The following MRPL13 variants were observed in gnomAD, a reference collection of about 807,000 sequenced individuals.
MRPL13 encodes large ribosomal subunit protein uL13m.
A neutral mutation model predicts 29.0 loss-of-function variants in MRPL13; 33 were observed. That is an observed-to-expected ratio of 1.14 (90% CI 0.86 to 1.52). The LOEUF is 1.52. Ranked by LOEUF, MRPL13 falls within the 40% of genes most tolerant of loss-of-function variation. The pLI, the probability that MRPL13 is intolerant of heterozygous loss-of-function variation, is 0.00. For synonymous variants in MRPL13, 77 were observed against 68.4 expected (o/e 1.13, Z -0.62); for missense variants, 227 against 216.7 (o/e 1.05, Z -0.30).
At chr8:120,412,072 T>G (rs567497362) in intron 6 of MRPL13, among the ~76,000 whole-genome samples, 1 of 152,206 alleles carries the variant, frequency 6.6e-6, no homozygotes, top group Non-Finnish European at 1.5e-5. Flanking sequence ...GTGTATAATA[T>G]GTATTTGCAC....
intron 6 of MRPL13, among the ~76,000 whole-genome samples, chr8:120,400,445 C>T (rs1005739518): frequency 6.6e-6 from 1 of 152,024 alleles, no homozygotes; most frequent in Admixed American, 6.6e-5. Flanking sequence ...GAAGAGACAA[C>T]ATATCAGAAT....
intron 3 of MRPL13, among the ~76,000 whole-genome samples, chr8:120,425,966 A>G (rs1398211958): frequency 1.3e-5 from 2 of 152,154 alleles, no homozygotes; most frequent in Non-Finnish European, 2.9e-5. Flanking sequence ...GAGGCAGCTT[A>G]GCTTCCAGAT....
chr8:120,428,750 C>T (rs1371416501), intron 3 of MRPL13, among the ~76,000 whole-genome samples: 1 of 152,152 alleles, frequency 6.6e-6, no homozygotes, highest in Admixed American at 6.5e-5. Flanking sequence ...AATCACTGAT[C>T]ATTAGAGAAA....
chr8:120,425,205 T>C (rs1812917899), intron 4 of MRPL13, 101 bp downstream of exon 4: 4 of 858,408 alleles, frequency 4.7e-6, no homozygotes, highest in Non-Finnish European at 7.3e-6. Flanking sequence ...ATTTATATCC[T>C]TGAATGCTAA....
chr8:120,434,666 C>T (rs1230198098), intron 2 of MRPL13, among the ~76,000 whole-genome samples: 1 of 152,086 alleles, frequency 6.6e-6, no homozygotes, highest in Non-Finnish European at 1.5e-5. Context: ...CAGCAAACTG[C>T]TCACAGGTTA....
chr8:120,427,339 C>A (rs1014523891), intron 3 of MRPL13, among the ~76,000 whole-genome samples: 3 of 152,068 alleles, frequency 2.0e-5, no homozygotes, highest in Non-Finnish European at 4.4e-5. Flanking sequence ...TTAGAAAACT[C>A]ATGATTGAAA....
rs80257021 is a variant in MRPL13, at chr8:120,432,009, C to G, written c.245+21G>C. The G allele has an allele frequency of 3.5e-3, 5,288 of 1,508,298 alleles. 184 individuals carry two copies. The African/African-American group carries it at 0.068, about 19-fold the overall frequency. The allele number at this position is 1,508,298 out of a possible 1,614,324, so 93.4% of individuals were successfully genotyped here. On this transcript the variant is annotated intron_variant, in intron 3 of 6. Coordinates refer to ENST00000306185, the MANE Select transcript of MRPL13 (RefSeq NM_014078.6). ...AATATATTTTAACTACCTAATTTCC[C>G]TGACAACAGCATTATCTTACCCAGT...
intron 6 of MRPL13, 46 bp from the exon 7 acceptor site, chr8:120,396,171 T>G: frequency 7.0e-7 from 1 of 1,427,568 alleles, no homozygotes. Flanking sequence ...ATTATTTTGT[T>G]TTCTCCTGAC....
chr8:120,400,054 C>A (rs1281731237), intron 6 of MRPL13, among the ~76,000 whole-genome samples: 1 of 152,176 alleles, frequency 6.6e-6, no homozygotes, highest in Non-Finnish European at 1.5e-5. Flanking sequence ...TAATGCCCCA[C>A]TGACAATATT....
At position 120,408,834 on chromosome 8, in the gene MRPL13, G is replaced by A. The variant is rs370318066; in HGVS notation, c.515+5157C>T. ...TTTAGGATTAACAGCTTTCATATCAGAGAATATGCACTAAGCTTAAATCCG... is the reference window on the plus strand; with the variant it reads ...TTTAGGATTAACAGCTTTCATATCAAAGAATATGCACTAAGCTTAAATCCG... On this transcript the variant is annotated intron_variant, in intron 6 of 6. Transcript: ENST00000306185. Among the ~76,000 whole-genome samples, 94 of 152,282 alleles carry A rather than the reference G, an allele frequency of 6.2e-4. 1 individual carries two copies. In the South Asian group the frequency reaches 0.018, roughly 30 times the overall value.
intron 6 of MRPL13, among the ~76,000 whole-genome samples, chr8:120,397,864 G>A (rs541766498): frequency 2.6e-5 from 4 of 151,882 alleles, no homozygotes; most frequent in Non-Finnish European, 2.9e-5. Flanking sequence ...GTGCCAGATT[G>A]TGGCCAGACT....
At chr8:120,397,902 C>T (rs962442786) in intron 6 of MRPL13, among the ~76,000 whole-genome samples, 3 of 152,196 alleles carry the variant, frequency 2.0e-5, no homozygotes, top group Non-Finnish European at 4.4e-5. Context: ...CCCGATCCAT[C>T]CCTCCTCACC....
chr8:120,437,147 C>T (rs1813063875), intron 2 of MRPL13, among the ~76,000 whole-genome samples: 1 of 152,052 alleles, frequency 6.6e-6, no homozygotes, highest in African/African-American at 2.4e-5. Context: ...TATAAATGTA[C>T]AATTTAGATT....
At chr8:120,421,535 T>C (rs1812874476) in intron 4 of MRPL13, among the ~76,000 whole-genome samples, 1 of 151,876 alleles carries the variant, frequency 6.6e-6, no homozygotes, top group Non-Finnish European at 1.5e-5. Flanking sequence ...AGGCCTACTA[T>C]TCCAGACAAA....
intron 6 of MRPL13, among the ~76,000 whole-genome samples, chr8:120,402,278 G>A (rs755540641): frequency 7.9e-5 from 12 of 152,110 alleles, no homozygotes; most frequent in Non-Finnish European, 1.2e-4. Context: ...AACCAAAATC[G>A]TGTGGTACTG....
Position 120,445,103 on chromosome 8 carries a change from AC to A in MRPL13, c.-10del, listed in dbSNP as rs1813190949. On this transcript the variant is annotated 5_prime_UTR_variant, in exon 1 of 7. Coordinates refer to ENST00000306185, the MANE Select transcript of MRPL13 (RefSeq NM_014078.6). Reference sequence around the variant, plus strand: ...CTAGAGAAACTCGACATATTCCTCTACTAGCAGGACCGTACGTCCTTCTCCT... The same window carrying A: ...CTAGAGAAACTCGACATATTCCTCTATAGCAGGACCGTACGTCCTTCTCCT... 80 of 1,613,766 alleles carry A rather than the reference AC, an allele frequency of 5.0e-5. No homozygotes were observed. The East Asian group carries it at 1.8e-3, about 36-fold the overall frequency.
rs142573084 is a variant in MRPL13, at chr8:120,442,428, G to A, written c.151+757C>T. On this transcript the variant is annotated intron_variant, in intron 2 of 6. Coordinates refer to ENST00000306185, the MANE Select transcript of MRPL13 (RefSeq NM_014078.6). ...CCAAAAAAATTGGAAACAAACCAAT[G>A]CTGAGTATATTCATTTCACCATTAT... Among the ~76,000 whole-genome samples the A allele has an allele frequency of 4.3e-3, 657 of 152,230 alleles. 11 individuals carry two copies. The highest frequency in any genetic ancestry group is 0.032 in the Admixed American group (486 of 15,298).
rs777234904 is a variant in MRPL13 at position 120,419,870 on chromosome 8, C to T, written c.375G>A (p.Leu125=). Residue 125 remains leucine (L), a synonymous_variant, in exon 5 of 7, where the codon TTG becomes TTA. Coordinates refer to ENST00000306185, the MANE Select transcript of MRPL13 (RefSeq NM_014078.6). ...NLHRRTMMER[L]HLFPDEYIPE... The stretch of plus-strand genomic sequence containing the variant: ...GACTTACCTCATCTGGAAAAAGATG[C>T]AACCTTTCCATCATTGTTCTTCTGT... 6 of 1,591,080 alleles carry T rather than the reference C, an allele frequency of 3.8e-6. No individual in the cohort carries two copies. Among genetic ancestry groups the T allele is most frequent in the Non-Finnish European group, 5.1e-6 (6 of 1,169,330 alleles).
At chr8:120,442,757 A>G (rs1468617740) in intron 2 of MRPL13, among the ~76,000 whole-genome samples, 2 of 152,208 alleles carry the variant, frequency 1.3e-5, no homozygotes, top group African/African-American at 2.4e-5. Flanking sequence ...TAGTGAAAAT[A>G]AGCTTCCCAT....
Sources: gnomAD v4.1 joint callset for allele counts (sites outside exome capture counted in the v4.1 genomes callset) on GRCh38, gnomAD v4.1.1 for gene constraint, MANE v1.5 for transcripts, NCBI Gene and HGNC (gene_info 2026-07-23, HGNC 2026-07-21) for gene names.